The following DPF3 variants were observed in gnomAD, a reference collection of about 807,000 sequenced individuals.
DPF3 encodes the protein double PHD fingers 3.
Under a neutral mutation model 56.8 loss-of-function variants are expected in DPF3, and 18 were observed. The observed-to-expected ratio is 0.32, with a 90% CI of 0.22 to 0.47. DPF3 has a LOEUF of 0.47. Among genes scored for constraint, DPF3 ranks in the 20% least tolerant of loss-of-function variants. The pLI is 1.00. For missense variants in DPF3, 403 were observed against 488.8 expected (o/e 0.82, Z 1.65); for synonymous variants, 188 against 180.2 (o/e 1.04, Z -0.35).
At chr14:72,685,260 C>T (rs1210920861) in intron 7 of DPF3, among the ~76,000 whole-genome samples, 6 of 152,212 alleles carry the variant, frequency 3.9e-5, no homozygotes, top group Admixed American at 2.6e-4. Context: ...TAGGGCCCAT[C>T]ACTCAGGGTT....
chr14:72,696,131 G>T (rs970765684), intron 6 of DPF3, among the ~76,000 whole-genome samples: 2 of 152,064 alleles, frequency 1.3e-5, no homozygotes, highest in African/African-American at 2.4e-5. Flanking sequence ...TGTTAGTAAG[G>T]AATAAATGCT....
intron 1 of DPF3, among the ~76,000 whole-genome samples, chr14:72,846,647 T>C (rs76422941): frequency 3.6e-5 from 1 of 28,056 alleles, no homozygotes; most frequent in African/African-American, 7.7e-5. Flanking sequence ...AGGATAGTCT[T>C]GAACTCCTGG....
At chr14:72,665,661 A>G (rs1886412369) in intron 8 of DPF3, among the ~76,000 whole-genome samples, 1 of 152,228 alleles carries the variant, frequency 6.6e-6, no homozygotes, top group African/African-American at 2.4e-5. Context: ...ACTATTCCAG[A>G]TTAAAGGACT....
chr14:72,671,589 C>A, intron 8 of DPF3: 1 of 648,298 alleles, frequency 1.5e-6, no homozygotes, highest in South Asian at 1.5e-5. Context: ...CAGCTTCCGA[C>A]AGCAAAAGAT....
At chr14:72,639,726 C>T (rs1023588573) in intron 8 of DPF3, among the ~76,000 whole-genome samples, 2 of 152,096 alleles carry the variant, frequency 1.3e-5, no homozygotes, top group African/African-American at 4.8e-5. Context: ...TTGACTGCAA[C>T]CCAAGGGAGG....
chr14:72,710,730 A>G (rs1400105834), intron 6 of DPF3, among the ~76,000 whole-genome samples: 1 of 152,204 alleles, frequency 6.6e-6, no homozygotes, highest in Non-Finnish European at 1.5e-5. Flanking sequence ...ACAATGTCCT[A>G]TTCAGTTGCT....
Position 72,847,981 on chromosome 14 carries a change from C to T in DPF3, c.32+46076G>A, listed in dbSNP as rs187962158. 2.0e-5 allele frequency among the ~76,000 whole-genome samples: 3 copies of T among 152,300 alleles called. No homozygotes were observed. In the East Asian group the frequency reaches 5.8e-4, roughly 29 times the overall value. On this transcript the variant is annotated intron_variant, in intron 1 of 10. Coordinates refer to ENST00000556509, the MANE Select transcript of DPF3 (RefSeq NM_001280542.3). ...AGCTCCTTAATGACAAGCTACTTGC[C>T]TTTGGATTTCACCTCCTGCTTCTCA...
At chr14:72,866,414 C>T (rs1885668127) in intron 1 of DPF3, among the ~76,000 whole-genome samples, 1 of 150,770 alleles carries the variant, frequency 6.6e-6, no homozygotes, top group Non-Finnish European at 1.5e-5. Context: ...TTCTCTCTCC[C>T]AGTGACCTGG....
At chr14:72,628,809 A>G (rs549255812) in intron 9 of DPF3, among the ~76,000 whole-genome samples, 1 of 152,348 alleles carries the variant, frequency 6.6e-6, no homozygotes, top group African/African-American at 2.4e-5. Flanking sequence ...TACTCAGTCA[A>G]ATACAGTCAT....
intron 9 of DPF3, 111 bp downstream of exon 9, chr14:72,629,512 AG>A: frequency 9.8e-7 from 1 of 1,023,054 alleles, no homozygotes; most frequent in Non-Finnish European, 1.4e-6. Flanking sequence ...CCCAAGTGCC[AG>A]GGTAACAGGC....
At chr14:72,838,920 T>A (rs1326121878) in intron 1 of DPF3, among the ~76,000 whole-genome samples, 18 of 54,794 alleles carry the variant, frequency 3.3e-4, no homozygotes, top group East Asian at 1.1e-3. Flanking sequence ...TTTTTTTTTT[T>A]TTTTTTTTTT....
intron 8 of DPF3, chr14:72,662,500 C>A: frequency 2.0e-6 from 2 of 984,968 alleles, no homozygotes; most frequent in Non-Finnish European, 2.4e-6. Flanking sequence ...TCAGTTATTT[C>A]TACTGTAGAG....
At chr14:72,723,039 TA>T (rs11293340) in intron 5 of DPF3, among the ~76,000 whole-genome samples, 11,749 of 149,564 alleles carry the variant, frequency 0.079, 1,546 homozygotes, top group African/African-American at 0.29. Flanking sequence ...ATGGTTTATT[TA>T]TTTTTTTTAT....
intron 8 of DPF3, among the ~76,000 whole-genome samples, chr14:72,672,351 G>A (rs1886726019): frequency 6.6e-6 from 1 of 152,156 alleles, no homozygotes; most frequent in Admixed American, 6.5e-5. Context: ...GGGTAGATGG[G>A]AGGGGAAGGA....
chr14:72,768,046 C>T (rs1405691358), intron 2 of DPF3, among the ~76,000 whole-genome samples: 1 of 152,106 alleles, frequency 6.6e-6, no homozygotes, highest in Non-Finnish European at 1.5e-5. Context: ...ATTTTATATC[C>T]AGCAAAAATA....
At chr14:72,629,549 T>C in intron 9 of DPF3, 75 bp downstream of exon 9, 1 of 1,378,490 alleles carries the variant, frequency 7.3e-7, no homozygotes, top group South Asian at 1.3e-5. Flanking sequence ...ACAAGAGTCC[T>C]TCCTTCCTCT....
chr14:72,623,515 T>G (rs1438657663), intron 9 of DPF3, among the ~76,000 whole-genome samples: 6 of 152,202 alleles, frequency 3.9e-5, no homozygotes, highest in Admixed American at 3.9e-4. Flanking sequence ...GTTCAGCAAT[T>G]ATATTATTGG....
chr14:72,735,425 A>G (rs1021848908), intron 3 of DPF3, among the ~76,000 whole-genome samples: 2 of 152,098 alleles, frequency 1.3e-5, no homozygotes, highest in African/African-American at 4.8e-5. Context: ...CTGCTTTCCC[A>G]TAATTGAATC....
At chr14:72,681,811 G>A (rs1205610669) in intron 7 of DPF3, among the ~76,000 whole-genome samples, 1 of 152,210 alleles carries the variant, frequency 6.6e-6, no homozygotes, top group African/African-American at 2.4e-5. Flanking sequence ...CCAGCTCTGG[G>A]GCTAGATGGT....
Sources: allele counts gnomAD v4.1 joint callset (sites outside exome capture counted in the v4.1 genomes callset), GRCh38; gene constraint gnomAD v4.1.1; transcripts MANE v1.5; gene names NCBI Gene and HGNC (gene_info 2026-07-23, HGNC 2026-07-21).